Variants in STOM observed in about 807,000 individuals in gnomAD.
The protein encoded by STOM is stomatin.
In STOM, 25 loss-of-function variants were observed where a neutral mutation model predicts 30.6. The ratio of observed to expected loss-of-function variants is 0.82; its 90% CI spans 0.60 to 1.14. STOM has a LOEUF of 1.14. STOM is among the 50% of genes most tolerant of loss of function. STOM has a pLI of 0.00. For synonymous variants in STOM, 118 were observed against 130.8 expected (o/e 0.90, Z 0.67); for missense variants, 292 against 365.2 (o/e 0.80, Z 1.63).
rs2064232808 is a variant in STOM at position 121,340,088 on chromosome 9, A to T, written c.*1114T>A. On this transcript the variant is annotated 3_prime_UTR_variant, in exon 7 of 7. Transcript: ENST00000286713. ...ACAATTGCATATAGAACGTAGAGAA[A>T]ATTTTATTAAAAAATTAAAACTATT... The T allele has an allele frequency of 1.0e-6, 1 of 976,384 alleles. No individual in the cohort carries two copies. Among genetic ancestry groups the T allele is most frequent in the Non-Finnish European group, 1.2e-6 (1 of 821,736 alleles). The allele number at this position is 976,384 out of a possible 1,614,324, so 60.5% of individuals were successfully genotyped here. A position where few individuals can be genotyped will look rare whatever the true frequency, so the allele number is the denominator to read the frequency against.
At chr9:121,358,156 A>T (rs1308790402) in intron 1 of STOM, among the ~76,000 whole-genome samples, 1 of 148,592 alleles carries the variant, frequency 6.7e-6, no homozygotes, top group Non-Finnish European at 1.5e-5. Flanking sequence ...AAAAAAAAAT[A>T]ATAATAATAA....
At chr9:121,366,664 T>C (rs1037897635) in intron 1 of STOM, among the ~76,000 whole-genome samples, 3 of 152,164 alleles carry the variant, frequency 2.0e-5, no homozygotes, top group African/African-American at 7.2e-5. Flanking sequence ...CACTTAACAA[T>C]GTTATTTACT....
chr9:121,342,852 A>T (rs556770859), intron 6 of STOM, among the ~76,000 whole-genome samples: 6 of 152,198 alleles, frequency 3.9e-5, no homozygotes, highest in Non-Finnish European at 7.3e-5. Flanking sequence ...CAGGCAAAAA[A>T]GTTTGAAGAT....
At chr9:121,353,357 C>A in intron 3 of STOM, 55 bp from the exon 4 acceptor site, 2 of 1,226,100 alleles carry the variant, frequency 1.6e-6, no homozygotes, top group Non-Finnish European at 1.1e-6. Context: ...CAGTTCACTT[C>A]TCCATTCAGT....
chr9:121,348,167 G>C lies in STOM; in HGVS notation c.526-18C>G. The C allele has an allele frequency of 6.2e-7, 1 of 1,614,018 alleles. No homozygotes were observed. On this transcript the variant is annotated intron_variant, in intron 5 of 6. Transcript: ENST00000286713. ...AGAGTAGACTGTTAGGAAGAGAGAA[G>C]GCAAGCTAAATCTCCTCAGCCCAGC...
In STOM at chr9:121,339,254, C is replaced by T. The variant is rs1367792410; in HGVS notation, c.*1948G>A. 6.2e-6 allele frequency: 1 copy of T among 161,002 alleles called. No homozygotes were observed. The highest frequency in any genetic ancestry group is 1.3e-5 in the Non-Finnish European group (1 of 74,136). 10.0% of individuals were successfully genotyped at this position (161,002 alleles called of 1,614,324 possible). A position where few individuals can be genotyped will look rare whatever the true frequency, so the allele number is the denominator to read the frequency against. ...CAGAAAAGTCAAGGTCATTTGGTAT[C>T]TGGAGACAGGAGAACTCAAGGAACC... is the stretch of plus-strand genomic sequence containing the variant. On this transcript the variant is annotated 3_prime_UTR_variant, in exon 7 of 7. Transcript: ENST00000286713.
At chr9:121,357,461 A>T (rs967583646) in intron 1 of STOM, among the ~76,000 whole-genome samples, 2 of 145,734 alleles carry the variant, frequency 1.4e-5, no homozygotes, top group African/African-American at 5.0e-5. Flanking sequence ...ATTTTTTGAG[A>T]CAGAGTCTTG....
At chr9:121,354,507 G>C in intron 3 of STOM, 94 bp downstream of exon 3, 1 of 1,017,598 alleles carries the variant, frequency 9.8e-7, no homozygotes. Flanking sequence ...GCGACGGAAT[G>C]AAACCCTGTC....
chr9:121,361,216 A>G (rs1213441293), intron 1 of STOM, among the ~76,000 whole-genome samples: 1 of 152,044 alleles, frequency 6.6e-6, no homozygotes, highest in Non-Finnish European at 1.5e-5. Flanking sequence ...ACCCTTAGTC[A>G]TCTACCACTT....
In STOM at chr9:121,339,634, G is replaced by T. The variant is rs2064228694; in HGVS notation, c.*1568C>A. The T allele has an allele frequency of 1.6e-6, 2 of 1,231,658 alleles. No individual in the cohort carries two copies. The highest frequency in any genetic ancestry group is 1.5e-5 in the African/African-American group (1 of 64,536). 76.3% of individuals were successfully genotyped at this position (1,231,658 alleles called of 1,614,324 possible). A position where few individuals can be genotyped will look rare whatever the true frequency, so the allele number is the denominator to read the frequency against. ...CTCTAGGTGAACTCAGAGTCTCAAA[G>T]AGGAAATGTTACAAATGTCACCCGC... On this transcript the variant is annotated 3_prime_UTR_variant, in exon 7 of 7. Transcript: ENST00000286713.
At chr9:121,355,820 G>T (rs1183467644) in intron 2 of STOM, among the ~76,000 whole-genome samples, 1 of 152,166 alleles carries the variant, frequency 6.6e-6, no homozygotes, top group African/African-American at 2.4e-5. Flanking sequence ...GGAAATTTTT[G>T]ATGGTGAAAC....
intron 1 of STOM, among the ~76,000 whole-genome samples, chr9:121,364,797 G>T (rs1472723551): frequency 2.0e-5 from 3 of 152,152 alleles, no homozygotes; most frequent in Non-Finnish European, 4.4e-5. Context: ...AAATAATGCT[G>T]CAATAGCCCT....
At chr9:121,347,297 C>T (rs924330368) in intron 6 of STOM, among the ~76,000 whole-genome samples, 6 of 152,162 alleles carry the variant, frequency 3.9e-5, no homozygotes. Context: ...GGTGAGATAT[C>T]CCTGAAATTT....
intron 1 of STOM, among the ~76,000 whole-genome samples, chr9:121,367,924 G>GA (rs1440928622): frequency 6.6e-6 from 1 of 152,174 alleles, no homozygotes; most frequent in Non-Finnish European, 1.5e-5. Context: ...AAACAGGGCT[G>GA]AAAATTTTAG....
intron 1 of STOM, among the ~76,000 whole-genome samples, chr9:121,356,749 G>A (rs893177388): frequency 4.6e-5 from 7 of 152,148 alleles, no homozygotes; most frequent in Non-Finnish European, 1.0e-4. Flanking sequence ...TTGGGAGGCC[G>A]AGACAGGTGG....
intron 1 of STOM, among the ~76,000 whole-genome samples, chr9:121,362,888 C>T (rs1307679350): frequency 2.6e-5 from 4 of 152,162 alleles, no homozygotes; most frequent in Non-Finnish European, 5.9e-5. Context: ...AACATTCTTT[C>T]CAAGATGACA....
At chr9:121,353,431 C>G (rs2064356997) in intron 3 of STOM, 129 bp from the exon 4 acceptor site, 1 of 488,844 alleles carries the variant, frequency 2.0e-6, no homozygotes, top group Non-Finnish European at 3.6e-6. Flanking sequence ...GAGCCAGAAG[C>G]CAGGAATGAT....
chr9:121,358,656 A>G (rs561492711), intron 1 of STOM, among the ~76,000 whole-genome samples: 2 of 152,316 alleles, frequency 1.3e-5, no homozygotes, highest in East Asian at 3.9e-4. Context: ...ATTTTATATT[A>G]TGAATTTGTA....
intron 1 of STOM, 129 bp downstream of exon 1, chr9:121,369,998 C>T (rs2064548538): frequency 1.2e-6 from 1 of 842,208 alleles, no homozygotes; most frequent in Non-Finnish European, 1.8e-6. Context: ...AGGGAGGAGC[C>T]GCGGCTTTGA....
Sources: gnomAD v4.1 joint callset for allele counts (sites outside exome capture counted in the v4.1 genomes callset) on GRCh38, gnomAD v4.1.1 for gene constraint, MANE v1.5 for transcripts, NCBI Gene and HGNC (gene_info 2026-07-23, HGNC 2026-07-21) for gene names.